Variants in BRF1 observed in about 807,000 individuals in gnomAD.
BRF1 encodes the protein BRF1 general transcription factor IIIB subunit.
A neutral mutation model predicts 81.7 loss-of-function variants in BRF1; 59 were observed. That is an observed-to-expected ratio of 0.72 (90% CI 0.59 to 0.90). The LOEUF (loss-of-function observed/expected upper bound fraction) is 0.90, where lower values mean the gene tolerates loss of function less well. Ranked by LOEUF, BRF1 falls within the 40% of genes least tolerant of loss-of-function variation. BRF1 has a pLI of 0.00. For missense variants in BRF1, 1,050 were observed against 936.3 expected (o/e 1.12, Z -1.58); for synonymous variants, 491 against 395.6 (o/e 1.24, Z -2.86).
chr14:105,305,402 AAAGAAAAAAGAAAC>A (rs1181329531), upstream of BRF1, among the ~76,000 whole-genome samples: 1 of 151,744 alleles, frequency 6.6e-6, no homozygotes, highest in African/African-American at 2.4e-5. Flanking sequence ...AACCTGTCTC[AAAGAAAAAAGAAAC>A]AAGAAAAAAG....
At position 105,247,941 on chromosome 14, in the gene BRF1, C is replaced by A. The variant is rs986633474; in HGVS notation, c.544+4566G>T. On this transcript the variant is annotated intron_variant, in intron 5 of 17. Coordinates refer to ENST00000547530, the MANE Select transcript of BRF1 (RefSeq NM_001519.4). ...GGCTAGAGGCCCCACAAGGAGCGAG[C>A]CTGCGACTGCGATCCACAGGCAGAG... The A allele has an allele frequency of 1.0e-5, 10 of 985,388 alleles. No homozygotes were observed. The African/African-American group carries it at 1.7e-4, about 17-fold the overall frequency. 61.0% of individuals were successfully genotyped at this position (985,388 alleles called of 1,614,324 possible). A position where few individuals can be genotyped will look rare whatever the true frequency, so the allele number is the denominator to read the frequency against.
At chr14:105,244,870 C>T (rs1410854328) in intron 5 of BRF1, among the ~76,000 whole-genome samples, 1 of 151,702 alleles carries the variant, frequency 6.6e-6, no homozygotes, top group African/African-American at 2.4e-5. Flanking sequence ...ATGAAAATGA[C>T]CAGGTATGAT....
intron 1 of BRF1, among the ~76,000 whole-genome samples, chr14:105,294,519 C>A (rs768723159): frequency 6.6e-6 from 1 of 152,206 alleles, no homozygotes; most frequent in Non-Finnish European, 1.5e-5. Flanking sequence ...TTGTTATCAT[C>A]CCAACAGACA....
chr14:105,247,726 G>A, intron 5 of BRF1: 1 of 985,490 alleles, frequency 1.0e-6, no homozygotes, highest in Non-Finnish European at 1.2e-6. Flanking sequence ...CGGTCCAGGA[G>A]GTTGCGTGTG....
rs138506682 is a variant in BRF1, at chr14:105,266,211, C to G, written c.439+6510G>C. 3.5e-3 allele frequency among the ~76,000 whole-genome samples: 525 copies of G among 152,070 alleles called. 2 individuals are homozygous for G. Among genetic ancestry groups the G allele is most frequent in the African/African-American group, 0.012 (492 of 41,458 alleles). On this transcript the variant is annotated intron_variant, in intron 3 of 17. Coordinates refer to ENST00000547530, the MANE Select transcript of BRF1 (RefSeq NM_001519.4). ...CTGTAATCCCAACACTTTGGGAGTCCAAGATGAGAAGATAACTGGAACCCA... is the reference window on the plus strand; with the variant it reads ...CTGTAATCCCAACACTTTGGGAGTCGAAGATGAGAAGATAACTGGAACCCA...
chr14:105,266,421 T>A (rs978120471), intron 3 of BRF1, among the ~76,000 whole-genome samples: 1 of 152,058 alleles, frequency 6.6e-6, no homozygotes, highest in African/African-American at 2.4e-5. Context: ...TTCTAAAAAA[T>A]TTTAAAAAAT....
Position 105,209,325 on chromosome 14 carries a change from T to G in BRF1, c.*1226A>C, listed in dbSNP as rs769067856. On this transcript the variant is annotated 3_prime_UTR_variant, in exon 18 of 18. Transcript: ENST00000547530. Reference sequence around the variant, plus strand: ...CAACAGATCTTCCTGCTTTACTAAATCTATTCTTCCCCCAAGCCCTCGAGA... The same window carrying G: ...CAACAGATCTTCCTGCTTTACTAAAGCTATTCTTCCCCCAAGCCCTCGAGA... 49 of 551,750 alleles carry G rather than the reference T, an allele frequency of 8.9e-5. No homozygotes were observed. The highest frequency in any genetic ancestry group is 1.4e-4 in the Non-Finnish European group (44 of 309,174). 34.2% of individuals were successfully genotyped at this position (551,750 alleles called of 1,614,324 possible). A position where few individuals can be genotyped will look rare whatever the true frequency, so the allele number is the denominator to read the frequency against.
upstream of BRF1, among the ~76,000 whole-genome samples, chr14:105,301,545 C>T (rs1173685735): frequency 6.6e-5 from 10 of 152,250 alleles, no homozygotes; most frequent in South Asian, 1.9e-3. Context: ...GGGGCCTGGC[C>T]GCAGAGGTGG....
intron 12 of BRF1, 181 bp from the exon 13 acceptor site, chr14:105,219,413 C>T: frequency 7.4e-7 from 1 of 1,357,680 alleles, no homozygotes; most frequent in Non-Finnish European, 9.8e-7. Flanking sequence ...GGACCTGTTG[C>T]TCTGTGGCCT....
rs960885531 is a variant in BRF1, at chr14:105,300,451, A to G, written c.179T>C (p.Leu60Pro). 2 of 1,527,184 alleles carry G rather than the reference A, an allele frequency of 1.3e-6. No homozygotes were observed. The highest frequency in any genetic ancestry group is 1.4e-5 in the African/African-American group (1 of 70,964). The allele number at this position is 1,527,184 out of a possible 1,614,324, so 94.6% of individuals were successfully genotyped here. A position where few individuals can be genotyped will look rare whatever the true frequency, so the allele number is the denominator to read the frequency against. The change falls in exon 1 of 18, where the codon CTG becomes CCG. Residue 60 changes from leucine to proline, a missense_variant. Physicochemically the swap from Leu to Pro is moderately conservative, Grantham distance 98. Transcript: ENST00000547530. ...CGCCAGCCCGCGGGACTCACCGTCC[A>G]GGGACACGAACTGGCCCACGGCCGA... Reference protein sequence around the residue: ...GSSAVGQFVSLDGAGKTPTLG... With the variant: ...GSSAVGQFVSPDGAGKTPTLG...
intron 2 of BRF1, among the ~76,000 whole-genome samples, chr14:105,285,293 G>A (rs906081723): frequency 7.9e-5 from 12 of 152,226 alleles, no homozygotes; most frequent in Middle Eastern, 3.2e-3. Context: ...CCTGAACAGC[G>A]TGGAACGGGC....
chr14:105,210,650 C>T lies in BRF1; in HGVS notation c.1997-62G>A, dbSNP rs1889961278. Reference sequence around the variant, plus strand: ...GTGGGACCCAGGAGCCCAGACCCCCCAACCCGCCCTGTTCCTGGTGCCCCC... The same window carrying T: ...GTGGGACCCAGGAGCCCAGACCCCCTAACCCGCCCTGTTCCTGGTGCCCCC... On this transcript the variant is annotated intron_variant, in intron 17 of 17. Coordinates refer to ENST00000547530, the MANE Select transcript of BRF1 (RefSeq NM_001519.4). This position sits in a 1 kb window ranked among gnomAD's most constrained non-coding sequence, Gnocchi z 4.7. The T allele has an allele frequency of 1.3e-6, 2 of 1,580,132 alleles. No individual in the cohort carries two copies. The highest frequency in any genetic ancestry group is 1.7e-6 in the Non-Finnish European group (2 of 1,160,520).
At chr14:105,219,891 G>T (rs2141463000) in intron 12 of BRF1, 178 bp downstream of exon 12, 1 of 693,892 alleles carries the variant, frequency 1.4e-6, no homozygotes, top group Non-Finnish European at 2.4e-6. Flanking sequence ...CGACACTGGA[G>T]AAGAGAGTGT....
At chr14:105,229,400 C>A (rs972094824) in intron 6 of BRF1, among the ~76,000 whole-genome samples, 1 of 152,238 alleles carries the variant, frequency 6.6e-6, no homozygotes, top group Non-Finnish European at 1.5e-5. Flanking sequence ...GGACTGAATC[C>A]TGCAGCGCAG....
intron 1 of BRF1, among the ~76,000 whole-genome samples, chr14:105,307,288 T>C (rs751479368): frequency 3.3e-5 from 5 of 152,202 alleles, no homozygotes; most frequent in African/African-American, 4.8e-5. Flanking sequence ...TCCTGAACAC[T>C]AGCCCCCTGC....
chr14:105,218,081 G>A (rs144180287), intron 14 of BRF1, among the ~76,000 whole-genome samples: 135 of 152,334 alleles, frequency 8.9e-4, no homozygotes, highest in African/African-American at 3.0e-3. Flanking sequence ...CAGGTGCTCA[G>A]GGCCCTGCTG....
At chr14:105,214,932 G>A (rs1208167513) in intron 15 of BRF1, among the ~76,000 whole-genome samples, 4 of 152,170 alleles carry the variant, frequency 2.6e-5, no homozygotes, top group Non-Finnish European at 4.4e-5. Context: ...AGGGCAACCG[G>A]GACAAGCCCT....
At chr14:105,288,189 T>C (rs945503323) in intron 1 of BRF1, among the ~76,000 whole-genome samples, 1 of 152,252 alleles carries the variant, frequency 6.6e-6, no homozygotes, top group African/African-American at 2.4e-5. Context: ...GCGCGGTGGC[T>C]CACGCTTGTA....
intron 4 of BRF1, among the ~76,000 whole-genome samples, chr14:105,253,696 C>G (rs1178119882): frequency 6.6e-6 from 1 of 152,218 alleles, no homozygotes; most frequent in Non-Finnish European, 1.5e-5. Context: ...GCTGGGCCCC[C>G]ACAGCAGCTC....
Sources: gnomAD v4.1 joint callset for allele counts (sites outside exome capture counted in the v4.1 genomes callset) on GRCh38, gnomAD v4.1.1 for gene constraint, Gnocchi (gnomAD v3.1) non-coding constraint, MANE v1.5 for transcripts, NCBI Gene and HGNC (gene_info 2026-07-23, HGNC 2026-07-21) for gene names.